PRKCSH: variants seen among roughly 807,000 people sequenced by gnomAD.
PRKCSH encodes glucosidase 2 subunit beta.
Under a neutral mutation model 79.7 loss-of-function variants are expected in PRKCSH, and 42 were observed. That is an observed-to-expected ratio of 0.53 (90% CI 0.41 to 0.68). PRKCSH has a LOEUF of 0.68. PRKCSH is among the 30% of genes least tolerant of loss of function. The probability of loss-of-function intolerance (pLI) is 0.00; values close to 1 mark genes in which losing one functional copy is unlikely to be tolerated. For synonymous variants in PRKCSH, 325 were observed against 288.2 expected (o/e 1.13, Z -1.29); for missense variants, 686 against 709.0 (o/e 0.97, Z 0.37).
At chr19:11,444,471 C>T (rs761713247) in intron 7 of PRKCSH, among the ~76,000 whole-genome samples, 2 of 152,188 alleles carry the variant, frequency 1.3e-5, no homozygotes, top group Non-Finnish European at 2.9e-5. Flanking sequence ...ATCTGTGAGA[C>T]TCAGAACAGT....
rs769457611 is a variant in PRKCSH at position 11,436,144 on chromosome 19, A to G, written c.27A>G (p.Leu9=). 5 of 1,606,088 alleles carry G rather than the reference A, an allele frequency of 3.1e-6. No individual in the cohort carries two copies. In the Admixed American group the frequency reaches 8.4e-5, roughly 27 times the overall value. Reference sequence around the variant, plus strand: ...TGCTGTTGCCGCTGCTGCTGCTGCTACCCATGTGCTGGGCCGTGGAGGTCA... The same window carrying G: ...TGCTGTTGCCGCTGCTGCTGCTGCTGCCCATGTGCTGGGCCGTGGAGGTCA... MLLPLLLL[L]PMCWAVEVKR... Residue 9 remains leucine (L), a synonymous_variant, in exon 2 of 18, where the codon CTA becomes CTG. Coordinates refer to ENST00000677123, the MANE Select transcript of PRKCSH (RefSeq NM_001289104.2).
rs765965612 is a variant in PRKCSH at position 11,445,447 on chromosome 19, G to A, written c.657G>A (p.Lys219=). The part of the protein sequence containing the change: ...QEQELAADAF[K]ELDDDMDGTV... ...AGGAGCTGGCGGCTGATGCCTTCAA[G>A]GAGCTGGATGATGACATGGACGGGA... The change falls in exon 8 of 18, where the codon AAG becomes AAA. Residue 219 remains lysine (K), a synonymous_variant. Transcript: ENST00000677123. 2 of 1,614,110 alleles carry A rather than the reference G, an allele frequency of 1.2e-6. No homozygotes were observed. Among genetic ancestry groups the A allele is most frequent in the Admixed American group, 3.3e-5 (2 of 60,026 alleles).
chr19:11,448,349 A>G lies in PRKCSH; in HGVS notation c.1196+58A>G, dbSNP rs1970423884. 6.5e-7 allele frequency: 1 copy of G among 1,542,576 alleles called. No homozygotes were observed. Among genetic ancestry groups the G allele is most frequent in the Non-Finnish European group, 8.8e-7 (1 of 1,137,594 alleles). On this transcript the variant is annotated intron_variant, in intron 13 of 17. Transcript: ENST00000677123. The surrounding 1 kb of genome is among the most constrained non-coding windows in gnomAD (Gnocchi z 4.4). ...CCACAGCGACTGCTCCTTGACTCCC[A>G]GGGGAGCTGGTGATGGGGAATCACT...
Position 11,448,201 on chromosome 19 carries a change from G to T in PRKCSH, c.1127-21G>T. 1 of 1,553,062 alleles carries T rather than the reference G, an allele frequency of 6.4e-7. No individual in the cohort carries two copies. The highest frequency in any genetic ancestry group is 1.2e-5 in the South Asian group (1 of 84,092). On this transcript the variant is annotated intron_variant, in intron 12 of 17. Transcript: ENST00000677123. This position sits in a 1 kb window ranked among gnomAD's most constrained non-coding sequence, Gnocchi z 4.4. ...CCTGGATGGGGTTGAGGACATCTCTGACCTCCAACCCCTCTCCCAGCTGCC... is the reference window on the plus strand; with the variant it reads ...CCTGGATGGGGTTGAGGACATCTCTTACCTCCAACCCCTCTCCCAGCTGCC...
rs572732105 is a variant in PRKCSH, at chr19:11,447,018, C to T, written c.763-56C>T. 1 of 1,582,756 alleles carries T rather than the reference C, an allele frequency of 6.3e-7. No homozygotes were observed. Among genetic ancestry groups the T allele is most frequent in the Admixed American group, 1.7e-5 (1 of 59,936 alleles). On this transcript the variant is annotated intron_variant, in intron 9 of 17. Coordinates refer to ENST00000677123, the MANE Select transcript of PRKCSH (RefSeq NM_001289104.2). This position sits in a 1 kb window ranked among gnomAD's most constrained non-coding sequence, Gnocchi z 5.6. The stretch of plus-strand genomic sequence containing the variant: ...CACCGCAGCCCGGGTGCCGGGGTGG[C>T]CGAGATGGGGGACACGTGGTGGCCT...
Position 11,437,226 on chromosome 19 carries a change from T to C in PRKCSH, c.197-650T>C, listed in dbSNP as rs577487669. 2.0e-5 allele frequency among the ~76,000 whole-genome samples: 3 copies of C among 148,924 alleles called. No homozygotes were observed. In the East Asian group the frequency reaches 6.0e-4, roughly 30 times the overall value. ...AGTTTTTTTTTGTATTTTTAGTAGA[T>C]ACAGGGTTTCACTGTGTTAGCCAGG... On this transcript the variant is annotated intron_variant, in intron 3 of 17. Coordinates refer to ENST00000677123, the MANE Select transcript of PRKCSH (RefSeq NM_001289104.2).
Position 11,447,013 on chromosome 19 carries a change from G to A in PRKCSH, c.763-61G>A. 1 of 1,565,982 alleles carries A rather than the reference G, an allele frequency of 6.4e-7. No individual in the cohort carries two copies. Among genetic ancestry groups the A allele is most frequent in the Non-Finnish European group, 8.8e-7 (1 of 1,136,528 alleles). ...CCTGGCACCGCAGCCCGGGTGCCGG[G>A]GTGGCCGAGATGGGGGACACGTGGT... On this transcript the variant is annotated intron_variant, in intron 9 of 17. Coordinates refer to ENST00000677123, the MANE Select transcript of PRKCSH (RefSeq NM_001289104.2). This position sits in a 1 kb window ranked among gnomAD's most constrained non-coding sequence, Gnocchi z 5.6.
At position 11,448,836 on chromosome 19, in the gene PRKCSH, A is replaced by T. The variant is rs534954596; in HGVS notation, c.1287-78A>T. On this transcript the variant is annotated intron_variant, in intron 14 of 17. Coordinates refer to ENST00000677123, the MANE Select transcript of PRKCSH (RefSeq NM_001289104.2). This position sits in a 1 kb window ranked among gnomAD's most constrained non-coding sequence, Gnocchi z 4.4. Reference sequence around the variant, plus strand: ...GAGGTACCCTGTGTGTGGGGACTGGAGGAGGCGGTGGGGGGTGGCTGTGGG... The same window carrying T: ...GAGGTACCCTGTGTGTGGGGACTGGTGGAGGCGGTGGGGGGTGGCTGTGGG... 1.0e-4 allele frequency: 156 copies of T among 1,548,396 alleles called. No homozygotes were observed. Among genetic ancestry groups the T allele is most frequent in the Middle Eastern group, 6.7e-4 (4 of 5,936 alleles).
intron 3 of PRKCSH, among the ~76,000 whole-genome samples, chr19:11,436,938 GC>G (rs1275973072): frequency 3.3e-5 from 5 of 152,214 alleles, no homozygotes; most frequent in African/African-American, 7.2e-5. Context: ...GCTCACTGCA[GC>G]CTGGAACTCT....
chr19:11,438,796 G>A (rs1259780485), intron 5 of PRKCSH, among the ~76,000 whole-genome samples: 9 of 151,732 alleles, frequency 5.9e-5, no homozygotes, highest in Admixed American at 2.6e-4. Context: ...ACAGAAGGAG[G>A]CCAAGTATGA....
At chr19:11,441,013 C>G (rs1378217164) in intron 5 of PRKCSH, 1 of 521,004 alleles carries the variant, frequency 1.9e-6, no homozygotes, top group African/African-American at 1.9e-5. Flanking sequence ...TCCTGGCACT[C>G]CCTAGTCCCT....
At chr19:11,437,553 G>A (rs1026951199) in intron 3 of PRKCSH, among the ~76,000 whole-genome samples, 3 of 149,242 alleles carry the variant, frequency 2.0e-5, no homozygotes, top group African/African-American at 7.4e-5. Flanking sequence ...GAGTTTCATC[G>A]TGTTGGCCAG....
rs746128465 is a variant in PRKCSH at position 11,445,487 on chromosome 19, A to C, written c.683+14A>C. The C allele has an allele frequency of 5.6e-6, 9 of 1,612,760 alleles. No individual in the cohort carries two copies. In the Admixed American group the frequency reaches 1.3e-4, roughly 24 times the overall value. ...CATGGACGGGACGTGAGTGTCCCCT[A>C]GTTGGAGCTGCCCACCTTTCCGTGG... On this transcript the variant is annotated intron_variant, in intron 8 of 17. Transcript: ENST00000677123.
At chr19:11,441,105 G>T in intron 5 of PRKCSH, 135 bp from the exon 6 acceptor site, 1 of 865,822 alleles carries the variant, frequency 1.2e-6, no homozygotes, top group Non-Finnish European at 2.0e-6. Context: ...AGAGAACCTG[G>T]GAGGAAGGCT....
Position 11,447,891 on chromosome 19 carries a change from C to T in PRKCSH, c.1126+102C>T, listed in dbSNP as rs187370241. Reference sequence around the variant, plus strand: ...CCTGAGCTTAGACCCTGCTCTGACTCGGCCAGCACAAGCCCCAGTATCTTG... The same window carrying T: ...CCTGAGCTTAGACCCTGCTCTGACTTGGCCAGCACAAGCCCCAGTATCTTG... On this transcript the variant is annotated intron_variant, in intron 12 of 17. Transcript: ENST00000677123. This position sits in a 1 kb window ranked among gnomAD's most constrained non-coding sequence, Gnocchi z 5.6. 6.4e-5 allele frequency: 84 copies of T among 1,321,032 alleles called. No homozygotes were observed. Among genetic ancestry groups the T allele is most frequent in the African/African-American group, 4.3e-4 (29 of 67,676 alleles). 81.8% of individuals were successfully genotyped at this position (1,321,032 alleles called of 1,614,324 possible).
rs1213701144 is a variant in PRKCSH, at chr19:11,442,565, G to T, written c.598+50G>T. 4 of 1,597,386 alleles carry T rather than the reference G, an allele frequency of 2.5e-6. No individual in the cohort carries two copies. The South Asian group carries it at 3.4e-5, about 13-fold the overall frequency. The stretch of plus-strand genomic sequence containing the variant: ...CACCTTCAGTCCTGGGTGGGAGCAG[G>T]TCTGGGCCTAGGAGTCTCCCGCTCA... On this transcript the variant is annotated intron_variant, in intron 7 of 17. Transcript: ENST00000677123.
chr19:11,441,128 T>C, intron 5 of PRKCSH, 112 bp from the exon 6 acceptor site: 1 of 1,040,924 alleles, frequency 9.6e-7, no homozygotes, highest in Non-Finnish European at 1.5e-6. Flanking sequence ...CTCTCATCTT[T>C]CCCAGCATGG....
intron 5 of PRKCSH, 59 bp downstream of exon 5, chr19:11,438,183 C>T (rs1969873839): frequency 7.0e-6 from 11 of 1,573,122 alleles, no homozygotes; most frequent in South Asian, 2.2e-5. Context: ...CTGGCTCCAC[C>T]CAGTGAATCG....
chr19:11,447,869 G>C lies in PRKCSH; in HGVS notation c.1126+80G>C. ...GTGGCACAGGTCGAGGGAAGATCCTGAGCTTAGACCCTGCTCTGACTCGGC... is the reference window on the plus strand; with the variant it reads ...GTGGCACAGGTCGAGGGAAGATCCTCAGCTTAGACCCTGCTCTGACTCGGC... On this transcript the variant is annotated intron_variant, in intron 12 of 17. Transcript: ENST00000677123. The surrounding 1 kb of genome is among the most constrained non-coding windows in gnomAD (Gnocchi z 5.6). 7.0e-7 allele frequency: 1 copy of C among 1,431,314 alleles called. No homozygotes were observed. The highest frequency in any genetic ancestry group is 9.4e-7 in the Non-Finnish European group (1 of 1,062,306). 88.7% of individuals were successfully genotyped at this position (1,431,314 alleles called of 1,614,324 possible).
Sources: gnomAD v4.1 joint callset for allele counts (sites outside exome capture counted in the v4.1 genomes callset) on GRCh38, gnomAD v4.1.1 for gene constraint, Gnocchi (gnomAD v3.1) non-coding constraint, MANE v1.5 for transcripts, NCBI Gene and HGNC (gene_info 2026-07-23, HGNC 2026-07-21) for gene names.